Variants in MOB3C observed in about 807,000 individuals in gnomAD.
MOB3C encodes MOB1, Mps One Binder kinase activator-like 2C.
MOB3C carries 17 observed loss-of-function variants against 19.8 expected under a neutral mutation model. The observed-to-expected ratio is 0.86, with a 90% confidence interval of 0.59 to 1.29. The LOEUF is 1.29. Among genes scored for constraint, MOB3C ranks in the 50% most tolerant of loss-of-function variants. The pLI, the probability that MOB3C is intolerant of heterozygous loss-of-function variation, is 0.00. For missense variants in MOB3C, 291 were observed against 301.9 expected, an observed-to-expected ratio of 0.96 and a Z score of 0.27; for synonymous variants, 101 against 119.2, an observed-to-expected ratio of 0.85 and a Z score of 0.99.
rs1345144920 is a variant in MOB3C, at chr1:46,611,630, C to T, written c.418+1274G>A. On this transcript the variant is annotated intron_variant, in intron 2 of 3. Transcript: ENST00000319928. This position sits in a 1 kb window ranked among gnomAD's most constrained non-coding sequence, Gnocchi z 4.1. The stretch of plus-strand genomic sequence containing the variant: ...CATTCCCAGGTGGGGTCGAGCCTTC[C>T]CTCCCTCTGAGCCCCTCCAGCCCAG... Among the ~76,000 whole-genome samples the T allele has an allele frequency of 3.9e-5, 6 of 152,138 alleles. No individual in the cohort carries two copies. The highest frequency in any genetic ancestry group is 7.3e-5 in the Non-Finnish European group (5 of 68,034).
At chr1:46,613,457 C>T (rs1675509145) in intron 1 of MOB3C, 86 bp from the exon 2 acceptor site, 2 of 1,297,318 alleles carry the variant, frequency 1.5e-6, no homozygotes, top group Non-Finnish European at 2.1e-6. Flanking sequence ...TTCCCTGTCA[C>T]CTCTCAGCCT....
At chr1:46,615,904 T>G (rs960832271) in intron 1 of MOB3C, 3 of 153,024 alleles carry the variant, frequency 2.0e-5, no homozygotes, top group Middle Eastern at 3.4e-3. Flanking sequence ...ACCTTACTCC[T>G]GTGGAACTTC....
Position 46,615,373 on chromosome 1 carries a change from C to T in MOB3C, c.-51+1338G>A, listed in dbSNP as rs1570382724. On this transcript the variant is annotated intron_variant, in intron 1 of 3. Transcript: ENST00000319928. ...CACACATCCTCAGATTGGCTGCTAC[C>T]TCCTCCCACAGCCTCCTCTCCTGAA... 1.3e-5 allele frequency: 5 copies of T among 377,164 alleles called. No individual in the cohort carries two copies. The South Asian group carries it at 2.6e-4, about 20-fold the overall frequency. 23.4% of individuals were successfully genotyped at this position (377,164 alleles called of 1,614,324 possible).
Position 46,610,900 on chromosome 1 carries a change from T to G in MOB3C, c.419-696A>C, listed in dbSNP as rs115273495. Among the ~76,000 whole-genome samples the G allele has an allele frequency of 9.4e-3, 1,439 of 152,280 alleles. 25 individuals are homozygous for G. Among genetic ancestry groups the G allele is most frequent in the African/African-American group, 0.033 (1,358 of 41,552 alleles). On this transcript the variant is annotated intron_variant, in intron 2 of 3. Coordinates refer to ENST00000319928, the MANE Select transcript of MOB3C (RefSeq NM_201403.3). ...CTCACATCACACTCTTGTATACAAC[T>G]CCAAGGAGAGTTCAACAACTGGGTC...
chr1:46,615,010 T>C, intron 1 of MOB3C: 1 of 1,613,150 alleles, frequency 6.2e-7, no homozygotes, highest in Non-Finnish European at 8.5e-7. Flanking sequence ...ACTCTTCGAC[T>C]TCTCACCCAA....
Position 46,609,350 on chromosome 1 carries a change from G to A in MOB3C, c.*305C>T, listed in dbSNP as rs1230406171. 1 of 482,570 alleles carries A rather than the reference G, an allele frequency of 2.1e-6. No homozygotes were observed. The highest frequency in any genetic ancestry group is 3.8e-6 in the Non-Finnish European group (1 of 264,518). The allele number at this position is 482,570 out of a possible 1,614,324, so 29.9% of individuals were successfully genotyped here. ...ACCCACATTCCTCCAATAGGCTTGG[G>A]AACCAGCATGGAAGGGTCAAGTGTC... On this transcript the variant is annotated 3_prime_UTR_variant, in exon 4 of 4. Transcript: ENST00000319928.
intron 1 of MOB3C, 61 bp downstream of exon 1, chr1:46,616,650 A>T (rs1675566806): frequency 6.6e-6 from 1 of 152,586 alleles, no homozygotes; most frequent in South Asian, 2.1e-4. Context: ...CGAAGAAATG[A>T]AAGTGGAAGC....
At chr1:46,612,318 A>T (rs1268198378) in intron 2 of MOB3C, among the ~76,000 whole-genome samples, 1 of 152,176 alleles carries the variant, frequency 6.6e-6, no homozygotes, top group Non-Finnish European at 1.5e-5. Flanking sequence ...CAAATCAGCT[A>T]TGAACACCTC....
intron 2 of MOB3C, 102 bp from the exon 3 acceptor site, chr1:46,610,306 A>G: frequency 9.8e-7 from 1 of 1,020,154 alleles, no homozygotes; most frequent in Non-Finnish European, 1.5e-6. Flanking sequence ...CTTTTTCCCC[A>G]GCACACTTTT....
chr1:46,612,851 C>T, intron 2 of MOB3C, 53 bp downstream of exon 2: 1 of 1,491,142 alleles, frequency 6.7e-7, no homozygotes, highest in Non-Finnish European at 9.0e-7. Flanking sequence ...AAACTAAATC[C>T]TCATCTGTGG....
At chr1:46,612,871 C>T in intron 2 of MOB3C, 33 bp downstream of exon 2, 1 of 1,519,572 alleles carries the variant, frequency 6.6e-7, no homozygotes, top group Non-Finnish European at 8.8e-7. Flanking sequence ...GAATGGGCTC[C>T]CAGTGGCTCC....
rs1675470824 is a variant in MOB3C at position 46,611,606 on chromosome 1, A to T, written c.418+1298T>A. 6.6e-6 allele frequency among the ~76,000 whole-genome samples: 1 copy of T among 151,936 alleles called. No individual in the cohort carries two copies. The highest frequency in any genetic ancestry group is 2.1e-4 in the South Asian group (1 of 4,820). The stretch of plus-strand genomic sequence containing the variant: ...TGTAGACCCCCTCCTCTTCCTCACC[A>T]TTCCCAGGTGGGGTCGAGCCTTCCC... On this transcript the variant is annotated intron_variant, in intron 2 of 3. Coordinates refer to ENST00000319928, the MANE Select transcript of MOB3C (RefSeq NM_201403.3). The surrounding 1 kb of genome is among the most constrained non-coding windows in gnomAD (Gnocchi z 4.1).
At chr1:46,612,326 C>T (rs377548048) in intron 2 of MOB3C, among the ~76,000 whole-genome samples, 1 of 152,124 alleles carries the variant, frequency 6.6e-6, no homozygotes, top group African/African-American at 2.4e-5. Context: ...CTATGAACAC[C>T]TCGGGGCAAC....
Position 46,608,116 on chromosome 1 carries a change from C to T in MOB3C, c.*1539G>A, listed in dbSNP as rs981108981. The T allele has an allele frequency of 1.3e-5, 2 of 152,266 alleles. No homozygotes were observed. The highest frequency in any genetic ancestry group is 4.8e-5 in the African/African-American group (2 of 41,474). The allele number at this position is 152,266 out of a possible 1,614,324, so 9.4% of individuals were successfully genotyped here. ...TCAGGTTAGAAATTATTGCTCAAAG[C>T]AGAAACAGTTGTGTCCTAGAGAGGG... On this transcript the variant is annotated 3_prime_UTR_variant, in exon 4 of 4. Coordinates refer to ENST00000319928, the MANE Select transcript of MOB3C (RefSeq NM_201403.3). The surrounding 1 kb of genome is among the most constrained non-coding windows in gnomAD (Gnocchi z 4.5).
At position 46,611,220 on chromosome 1, in the gene MOB3C, C is replaced by A. The variant is rs1273481824; in HGVS notation, c.419-1016G>T. ...CACCTTTTGCCTCTAATCCTTAGAA[C>A]AATTCGCCTGATGTGTCTGATTGTC... is the stretch of plus-strand genomic sequence containing the variant. On this transcript the variant is annotated intron_variant, in intron 2 of 3. Transcript: ENST00000319928. This position sits in a 1 kb window ranked among gnomAD's most constrained non-coding sequence, Gnocchi z 4.1. Among the ~76,000 whole-genome samples the A allele has an allele frequency of 2.0e-5, 3 of 152,228 alleles. No individual in the cohort carries two copies. The highest frequency in any genetic ancestry group is 4.4e-5 in the Non-Finnish European group (3 of 68,044).
In MOB3C at chr1:46,609,657, A is replaced by G. The variant is rs149444077; in HGVS notation, c.649T>C (p.Ter217ArgextTer14). The G allele has an allele frequency of 2.1e-5, 34 of 1,614,064 alleles. No homozygotes were observed. The African/African-American group carries it at 3.7e-4, about 18-fold the overall frequency. Residue 217 changes from the stop codon to arginine (R), a stop_lost, in exon 4 of 4, where the codon TGA becomes CGA. Transcript: ENST00000319928. ...LREMTERICH[*>R] ...GCCAAAAAAGTCCAGACCTGGGCTCAGTGGCAGATCCGCTCTGTCATCTCC... is the reference window on the plus strand; with the variant it reads ...GCCAAAAAAGTCCAGACCTGGGCTCGGTGGCAGATCCGCTCTGTCATCTCC...
At chr1:46,613,456 A>C (rs1570381744) in intron 1 of MOB3C, 85 bp from the exon 2 acceptor site, 2 of 1,304,860 alleles carry the variant, frequency 1.5e-6, no homozygotes, top group East Asian at 2.3e-5. Flanking sequence ...TTTCCCTGTC[A>C]CCTCTCAGCC....
chr1:46,612,817 C>T, intron 2 of MOB3C, 87 bp downstream of exon 2: 1 of 1,341,366 alleles, frequency 7.5e-7, no homozygotes, highest in Non-Finnish European at 1.0e-6. Flanking sequence ...AAATCAACCC[C>T]CAACCCTGCA....
intron 3 of MOB3C, 111 bp downstream of exon 3, chr1:46,609,891 T>G: frequency 7.5e-7 from 1 of 1,326,532 alleles, no homozygotes; most frequent in Non-Finnish European, 1.1e-6. Flanking sequence ...ATGAATTGCC[T>G]TCCCCTAATT....
Sources: allele counts gnomAD v4.1 joint callset (sites outside exome capture counted in the v4.1 genomes callset), GRCh38; gene constraint gnomAD v4.1.1; non-coding constraint Gnocchi (gnomAD v3.1); transcripts MANE v1.5; gene names NCBI Gene and HGNC (gene_info 2026-07-23, HGNC 2026-07-21).